The following KIF5C variants were observed in gnomAD, a reference collection of about 807,000 sequenced individuals.
KIF5C encodes the protein kinesin family member 5C, also known as kinesin heavy chain isoform 5C.
KIF5C carries 18 observed loss-of-function variants against 125.2 expected under a neutral mutation model. The ratio of observed to expected loss-of-function variants is 0.14; its 90% CI spans 0.10 to 0.21. The LOEUF (loss-of-function observed/expected upper bound fraction) is 0.21. KIF5C is among the 10% of genes least tolerant of loss of function. The pLI is 1.00. For synonymous variants in KIF5C, 405 were observed against 434.0 expected (o/e 0.93, Z 0.83); for missense variants, 780 against 1,183.8 (o/e 0.66, Z 5.01).
intron 1 of KIF5C, among the ~76,000 whole-genome samples, chr2:148,880,744 A>G (rs999565625): frequency 6.6e-6 from 1 of 152,148 alleles, no homozygotes; most frequent in African/African-American, 2.4e-5. Flanking sequence ...AGAGATGTTT[A>G]TATCACCTGA....
intron 25 of KIF5C, 122 bp downstream of exon 25, chr2:149,011,805 C>T (rs993144390): frequency 4.4e-6 from 6 of 1,349,094 alleles, no homozygotes; most frequent in African/African-American, 2.9e-5. Context: ...AGCACACACC[C>T]TGGGGGTTCC....
chr2:148,878,459 A>T (rs1681255911), intron 1 of KIF5C: 1 of 152,184 alleles, frequency 6.6e-6, no homozygotes, highest in Non-Finnish European at 1.5e-5. Flanking sequence ...GTTGATGGAT[A>T]TTTGGATAGT....
chr2:148,883,642 TTTAC>T (rs2105037733), intron 1 of KIF5C: 1 of 152,138 alleles, frequency 6.6e-6, no homozygotes, highest in Admixed American at 6.5e-5. Flanking sequence ...TTAAAACTGT[TTTAC>T]TTAATAGTAT....
chr2:149,018,594 C>G (rs1682438691), intron 25 of KIF5C, among the ~76,000 whole-genome samples: 1 of 152,118 alleles, frequency 6.6e-6, no homozygotes, highest in Admixed American at 6.5e-5. Flanking sequence ...TTTGGGAGGC[C>G]AAGGCAGGAG....
intron 10 of KIF5C, among the ~76,000 whole-genome samples, chr2:148,953,608 A>G (rs1682720400): frequency 1.3e-5 from 2 of 152,224 alleles, no homozygotes; most frequent in Non-Finnish European, 2.9e-5. Flanking sequence ...ATGAGTGTTC[A>G]TTATATTCTT....
chr2:148,936,571 A>G (rs1396354540), intron 3 of KIF5C, among the ~76,000 whole-genome samples: 2 of 152,208 alleles, frequency 1.3e-5, no homozygotes, highest in South Asian at 2.1e-4. Flanking sequence ...GGATTTGGTA[A>G]TATCCAAATA....
intron 1 of KIF5C, among the ~76,000 whole-genome samples, chr2:148,909,759 C>T (rs1681258018): frequency 6.6e-6 from 1 of 152,176 alleles, no homozygotes; most frequent in African/African-American, 2.4e-5. Flanking sequence ...TGGGAATCAC[C>T]TCAGTTGCAG....
intron 1 of KIF5C, among the ~76,000 whole-genome samples, chr2:148,890,815 A>G (rs1344849465): frequency 6.6e-6 from 1 of 152,154 alleles, no homozygotes; most frequent in Non-Finnish European, 1.5e-5. Flanking sequence ...TCACAGTTTT[A>G]TGGCTGGTAG....
At chr2:148,908,434 C>A (rs974568404) in intron 1 of KIF5C, among the ~76,000 whole-genome samples, 4 of 152,200 alleles carry the variant, frequency 2.6e-5, no homozygotes, top group African/African-American at 9.7e-5. Context: ...ACAAAATAAA[C>A]CTAGGTTCAT....
chr2:148,934,731 G>T (rs150137455), intron 3 of KIF5C, among the ~76,000 whole-genome samples: 1 of 151,132 alleles, frequency 6.6e-6, no homozygotes, highest in Non-Finnish European at 1.5e-5. Flanking sequence ...CATTCCCTAC[G>T]TCCATCTCAC....
At chr2:148,893,357 C>T (rs1681758918) in intron 1 of KIF5C, among the ~76,000 whole-genome samples, 1 of 152,190 alleles carries the variant, frequency 6.6e-6, no homozygotes. Context: ...TTGAACTCCC[C>T]AACTTGGTTT....
At chr2:148,947,775 A>G in intron 8 of KIF5C, 1 of 402,314 alleles carries the variant, frequency 2.5e-6, no homozygotes, top group Non-Finnish European at 5.1e-6. Flanking sequence ...TCCCTCGAGC[A>G]ACATCATAGA....
chr2:149,016,996 T>A (rs1682381700), intron 25 of KIF5C, among the ~76,000 whole-genome samples: 1 of 151,996 alleles, frequency 6.6e-6, no homozygotes, highest in African/African-American at 2.4e-5. Flanking sequence ...GGTGGTCAGC[T>A]CAGAGCTTGA....
In KIF5C at chr2:148,978,923, A is replaced by G; in HGVS notation, c.1295A>G (p.Asp432Gly). Reference protein sequence around the residue: ...SSLYRQLDDKDDEINQQSQLA... With the variant: ...SSLYRQLDDKGDEINQQSQLA... ...AACAAACATGATGTTTCGTTTCAGG[A>G]TGATGAAATTAACCAGCAGAGCCAG... is the stretch of plus-strand genomic sequence containing the variant. The change falls in exon 13 of 26, where the codon GAT becomes GGT. Residue 432 changes from aspartate to glycine, a missense_variant and splice_region_variant. Asp to Gly is a moderately conservative substitution (Grantham distance 94). Around this residue, in one of 2 missense-constraint regions of KIF5C, gnomAD observed 573 missense variants for 742.6 expected, o/e 0.77. Transcript: ENST00000435030. The G allele has an allele frequency of 6.3e-7, 1 of 1,596,602 alleles. No individual in the cohort carries two copies. The highest frequency in any genetic ancestry group is 8.5e-7 in the Non-Finnish European group (1 of 1,171,926).
Position 149,024,250 on chromosome 2 carries a change from A to T in KIF5C, c.*1180A>T, listed in dbSNP as rs1181434389. ...TGAATCTAAAGCTGAATCAACCCTT[A>T]CTTCCAGTTGTGCTTATTAAGAAGA... is the stretch of plus-strand genomic sequence containing the variant. On this transcript the variant is annotated 3_prime_UTR_variant, in exon 26 of 26. Transcript: ENST00000435030. 6.6e-6 allele frequency: 1 copy of T among 152,598 alleles called. No individual in the cohort carries two copies. The highest frequency in any genetic ancestry group is 1.5e-5 in the Non-Finnish European group (1 of 68,040). 9.5% of individuals were successfully genotyped at this position (152,598 alleles called of 1,614,324 possible). A position where few individuals can be genotyped will look rare whatever the true frequency, so the allele number is the denominator to read the frequency against.
chr2:148,912,643 C>G (rs978380476), intron 1 of KIF5C, among the ~76,000 whole-genome samples: 1 of 152,198 alleles, frequency 6.6e-6, no homozygotes, highest in African/African-American at 2.4e-5. Flanking sequence ...GAGTTGGGGT[C>G]TTTCTGTGTT....
chr2:148,952,400 T>C (rs111736269), intron 10 of KIF5C, among the ~76,000 whole-genome samples: 4 of 152,178 alleles, frequency 2.6e-5, no homozygotes, highest in African/African-American at 9.7e-5. Flanking sequence ...TTTGCAGCTG[T>C]CTACAGGAAG....
At chr2:148,955,179 G>C (rs1299045689) in intron 10 of KIF5C, among the ~76,000 whole-genome samples, 1 of 152,164 alleles carries the variant, frequency 6.6e-6, no homozygotes, top group African/African-American at 2.4e-5. Context: ...TCAGAAGAAG[G>C]TTTGGGTGTT....
At chr2:148,902,749 C>T (rs1231982505) in intron 1 of KIF5C, among the ~76,000 whole-genome samples, 2 of 152,224 alleles carry the variant, frequency 1.3e-5, no homozygotes, top group Non-Finnish European at 2.9e-5. Flanking sequence ...TGTATTCCTG[C>T]AAAGAGCATT....
Sources: allele counts gnomAD v4.1 joint callset (sites outside exome capture counted in the v4.1 genomes callset), GRCh38; gene constraint gnomAD v4.1.1; regional missense constraint gnomAD v4.1.1; transcripts MANE v1.5; gene names NCBI Gene and HGNC (gene_info 2026-07-23, HGNC 2026-07-21).